MAN1A1: variants seen among roughly 807,000 people sequenced by gnomAD.
The protein encoded by MAN1A1 is mannosidase alpha class 1A member 1.
In MAN1A1, 29 loss-of-function variants were observed where a neutral mutation model predicts 70.8. That is an observed-to-expected ratio of 0.41 (90% confidence interval 0.31 to 0.56). MAN1A1 has a LOEUF of 0.56. Among genes scored for constraint, MAN1A1 ranks in the 20% least tolerant of loss-of-function variants. The pLI, the probability that MAN1A1 is intolerant of heterozygous loss-of-function variation, is 0.29. For missense variants in MAN1A1, 747 were observed against 841.3 expected (o/e 0.89, Z 1.39); for synonymous variants, 349 against 330.1 (o/e 1.06, Z -0.62).
intron 2 of MAN1A1, among the ~76,000 whole-genome samples, chr6:119,344,952 A>C (rs1483743695): frequency 1.3e-5 from 2 of 152,194 alleles, no homozygotes; most frequent in East Asian, 3.8e-4. Flanking sequence ...AAAGCCTTAC[A>C]TGACAAATCT....
intron 6 of MAN1A1, among the ~76,000 whole-genome samples, chr6:119,220,749 A>C (rs1188922006): frequency 6.6e-6 from 1 of 152,164 alleles, no homozygotes; most frequent in Non-Finnish European, 1.5e-5. Flanking sequence ...CTTTTTTCAG[A>C]TACTACAGGA....
At chr6:119,223,528 T>G (rs531543778) in intron 6 of MAN1A1, among the ~76,000 whole-genome samples, 18 of 152,282 alleles carry the variant, frequency 1.2e-4, no homozygotes, top group Non-Finnish European at 2.5e-4. Context: ...CTGAATTCAT[T>G]TCTAGAAATT....
At chr6:119,268,880 C>T (rs1469808710) in intron 5 of MAN1A1, among the ~76,000 whole-genome samples, 1 of 152,126 alleles carries the variant, frequency 6.6e-6, no homozygotes, top group Non-Finnish European at 1.5e-5. Context: ...TGTGCCCGGC[C>T]CTCATTTTTC....
chr6:119,210,102 G>A (rs1355786022), intron 6 of MAN1A1, among the ~76,000 whole-genome samples: 3 of 152,180 alleles, frequency 2.0e-5, no homozygotes, highest in Admixed American at 1.3e-4. Flanking sequence ...CAGTACTGCT[G>A]TTCTTACATC....
At chr6:119,290,257 T>C (rs1776497404) in intron 5 of MAN1A1, among the ~76,000 whole-genome samples, 1 of 151,980 alleles carries the variant, frequency 6.6e-6, no homozygotes, top group South Asian at 2.1e-4. Context: ...CTTAATTACA[T>C]AAAAACTACA....
chr6:119,221,472 C>CT (rs5879491), intron 6 of MAN1A1, among the ~76,000 whole-genome samples: 54,843 of 130,300 alleles, frequency 0.42, 11,942 homozygotes, highest in East Asian at 0.72. Context: ...ATTTTCTTTT[C>CT]TTTTTTTTTT....
intron 5 of MAN1A1, among the ~76,000 whole-genome samples, chr6:119,278,134 A>G (rs1776128502): frequency 6.6e-6 from 1 of 151,296 alleles, no homozygotes; most frequent in African/African-American, 2.4e-5. Flanking sequence ...TGACAGAGAG[A>G]CCCTCAATTC....
chr6:119,348,137 G>C (rs910042121), intron 2 of MAN1A1, among the ~76,000 whole-genome samples: 2 of 152,278 alleles, frequency 1.3e-5, no homozygotes, highest in East Asian at 3.9e-4. Flanking sequence ...GTTACTGGTG[G>C]GGCGATTAAC....
At chr6:119,191,042 C>T (rs1045012931) in intron 9 of MAN1A1, among the ~76,000 whole-genome samples, 1 of 152,100 alleles carries the variant, frequency 6.6e-6, no homozygotes, top group Non-Finnish European at 1.5e-5. Flanking sequence ...AAAATGAACA[C>T]ACAGGAAGCT....
At position 119,181,604 on chromosome 6, in the gene MAN1A1, G is replaced by A. The variant is rs576058351; in HGVS notation, c.1720-1177C>T. Among the ~76,000 whole-genome samples, 5 of 152,252 alleles carry A rather than the reference G, an allele frequency of 3.3e-5. No homozygotes were observed. The East Asian group carries it at 7.7e-4, about 24-fold the overall frequency. ...GGGCAGTGTGAGGATGAACATTTAGGTAACAACCTAAACCAACCTGCCTTC... is the reference window on the plus strand; with the variant it reads ...GGGCAGTGTGAGGATGAACATTTAGATAACAACCTAAACCAACCTGCCTTC... On this transcript the variant is annotated intron_variant, in intron 11 of 12. Transcript: ENST00000368468.
intron 2 of MAN1A1, among the ~76,000 whole-genome samples, chr6:119,323,161 T>A (rs188296135): frequency 1.3e-5 from 2 of 152,348 alleles, no homozygotes; most frequent in African/African-American, 4.8e-5. Context: ...AAGCTGCTTT[T>A]CCCAGGTTCT....
intron 4 of MAN1A1, among the ~76,000 whole-genome samples, chr6:119,294,709 G>A (rs1258913448): frequency 6.6e-6 from 1 of 152,060 alleles, no homozygotes; most frequent in Non-Finnish European, 1.5e-5. Context: ...CAGAATTGGA[G>A]AAATTGTTCT....
chr6:119,294,038 G>A (rs1405942756), intron 4 of MAN1A1, among the ~76,000 whole-genome samples: 1 of 152,006 alleles, frequency 6.6e-6, no homozygotes, highest in Non-Finnish European at 1.5e-5. Context: ...CAGCCTAAAC[G>A]AACTAAAACC....
Position 119,348,640 on chromosome 6 carries a change from C to T in MAN1A1, c.426G>A (p.Leu142=). 6.2e-7 allele frequency: 1 copy of T among 1,613,910 alleles called. No individual in the cohort carries two copies. The highest frequency in any genetic ancestry group is 8.5e-7 in the Non-Finnish European group (1 of 1,179,914). Residue 142 remains leucine (L), a synonymous_variant, in exon 2 of 13, where the codon CTG becomes CTA. Coordinates refer to ENST00000368468, the MANE Select transcript of MAN1A1 (RefSeq NM_005907.4). ...GGATGTCTCTTTGGATCTCCTCGGG[C>T]AGCTTCTGCAGGGTCTCCTTGGCTT... is the stretch of plus-strand genomic sequence containing the variant. The part of the protein sequence containing the change: ...LREAKETLQK[L]PEEIQRDILL...
chr6:119,322,290 G>C (rs1773029588), intron 2 of MAN1A1, among the ~76,000 whole-genome samples: 1 of 152,130 alleles, frequency 6.6e-6, no homozygotes, highest in Admixed American at 6.5e-5. Context: ...TTGTCATTCT[G>C]GTTCCATTTC....
At chr6:119,201,138 C>G in intron 8 of MAN1A1, 116 bp downstream of exon 8, 1 of 725,690 alleles carries the variant, frequency 1.4e-6, no homozygotes, top group Non-Finnish European at 2.4e-6. Flanking sequence ...AGGAGCCATG[C>G]CCTTTTCTCC....
At chr6:119,252,124 AGC>A (rs1324234819) in intron 5 of MAN1A1, among the ~76,000 whole-genome samples, 2 of 152,204 alleles carry the variant, frequency 1.3e-5, no homozygotes, top group African/African-American at 2.4e-5. Flanking sequence ...AGGGCATGGA[AGC>A]AGCTGGCACT....
intron 6 of MAN1A1, among the ~76,000 whole-genome samples, chr6:119,232,147 C>T (rs933002678): frequency 3.7e-4 from 56 of 151,888 alleles, no homozygotes; most frequent in African/African-American, 1.3e-3. Context: ...CCGAGGCAGG[C>T]GGATCACGAG....
At chr6:119,310,180 G>T (rs555103227) in intron 2 of MAN1A1, among the ~76,000 whole-genome samples, 1 of 152,168 alleles carries the variant, frequency 6.6e-6, no homozygotes, top group Non-Finnish European at 1.5e-5. Context: ...AAAGAAATAC[G>T]TTGGAATTTC....
Sources: allele counts gnomAD v4.1 joint callset (sites outside exome capture counted in the v4.1 genomes callset), GRCh38; gene constraint gnomAD v4.1.1; transcripts MANE v1.5; gene names NCBI Gene and HGNC (gene_info 2026-07-23, HGNC 2026-07-21).